The following C4BPA variants were observed in gnomAD, a reference collection of about 807,000 sequenced individuals.
The protein encoded by C4BPA is C4b-binding protein alpha chain.
A neutral mutation model predicts 63.7 loss-of-function variants in C4BPA; 31 were observed. The ratio of observed to expected loss-of-function variants is 0.49; its 90% CI spans 0.37 to 0.66. The LOEUF is 0.66. Among genes scored for constraint, C4BPA ranks in the 30% least tolerant of loss-of-function variants. C4BPA has a pLI of 0.00. For missense variants in C4BPA, 572 were observed against 723.3 expected (o/e 0.79, Z 2.40); for synonymous variants, 259 against 254.7 (o/e 1.02, Z -0.16).
intron 3 of C4BPA, among the ~76,000 whole-genome samples, 181 bp from the exon 4 acceptor site, chr1:207,115,234 GA>G (rs1684760337): frequency 1.3e-5 from 2 of 151,972 alleles, no homozygotes; most frequent in Non-Finnish European, 2.9e-5. Context: ...AAATGTACCA[GA>G]AAAAAAGGTG....
chr1:207,125,604 G>C (rs1685022383), intron 6 of C4BPA, among the ~76,000 whole-genome samples: 1 of 152,080 alleles, frequency 6.6e-6, no homozygotes. Context: ...TGTGAGGACA[G>C]AGCTTTCATC....
At chr1:207,139,413 C>G (rs565743307) in intron 9 of C4BPA, among the ~76,000 whole-genome samples, 5 of 152,164 alleles carry the variant, frequency 3.3e-5, no homozygotes, top group Non-Finnish European at 5.9e-5. Flanking sequence ...TCTCTCCCAC[C>G]CCTGGGAGAT....
At chr1:207,112,846 C>A in intron 1 of C4BPA, 155 bp from the exon 2 acceptor site, 1 of 625,290 alleles carries the variant, frequency 1.6e-6, no homozygotes, top group Non-Finnish European at 2.6e-6. Context: ...TCCTTACTGT[C>A]TTGTGCTGTA....
rs1467151425 is a variant in C4BPA, at chr1:207,114,275, C to T, written c.318C>T (p.Thr106=). 3.7e-6 allele frequency: 6 copies of T among 1,607,960 alleles called. No individual in the cohort carries two copies. Among genetic ancestry groups the T allele is most frequent in the Non-Finnish European group, 3.4e-6 (4 of 1,176,498 alleles). ...CTGATGGCGAATGGGTGTATAACAC[C>T]TTCTGTATCTGTAAGTATCAACATT... The part of the protein sequence containing the change: ...CNSDGEWVYN[T]FCIYKRCRHP... Residue 106 remains threonine, a synonymous_variant, in exon 3 of 12, where the codon ACC becomes ACT. Transcript: ENST00000367070.
intron 1 of C4BPA, among the ~76,000 whole-genome samples, chr1:207,111,837 A>G (rs1684673919): frequency 6.6e-6 from 1 of 152,192 alleles, no homozygotes; most frequent in African/African-American, 2.4e-5. Flanking sequence ...TCTAACAAAG[A>G]TGTCAAAGTA....
At chr1:207,116,873 C>T (rs1049873389) in intron 4 of C4BPA, among the ~76,000 whole-genome samples, 1 of 152,026 alleles carries the variant, frequency 6.6e-6, no homozygotes, top group African/African-American at 2.4e-5. Context: ...TAAAAGTTTG[C>T]CTTTACTGAT....
intron 6 of C4BPA, among the ~76,000 whole-genome samples, chr1:207,125,524 C>T (rs2102341833): frequency 6.6e-6 from 1 of 152,268 alleles, no homozygotes; most frequent in Middle Eastern, 3.4e-3. Flanking sequence ...GATCCACCCT[C>T]ATGAATGGGA....
At chr1:207,137,533 T>C (rs576214090) in intron 9 of C4BPA, among the ~76,000 whole-genome samples, 1 of 152,290 alleles carries the variant, frequency 6.6e-6, no homozygotes, top group Non-Finnish European at 1.5e-5. Context: ...TGGTAATTGG[T>C]TGAATTATTA....
intron 4 of C4BPA, among the ~76,000 whole-genome samples, chr1:207,118,311 T>G (rs528672929): frequency 6.6e-6 from 1 of 152,270 alleles, no homozygotes; most frequent in African/African-American, 2.4e-5. Context: ...AAATTTATTA[T>G]GCATTAGTTC....
At chr1:207,116,464 T>C (rs1684788829) in intron 4 of C4BPA, among the ~76,000 whole-genome samples, 1 of 151,690 alleles carries the variant, frequency 6.6e-6, no homozygotes, top group Non-Finnish European at 1.5e-5. Flanking sequence ...ATTTAGGCCT[T>C]GATTCTGATA....
At chr1:207,110,749 A>T (rs1684651601) in intron 1 of C4BPA, among the ~76,000 whole-genome samples, 1 of 152,206 alleles carries the variant, frequency 6.6e-6, no homozygotes, top group Non-Finnish European at 1.5e-5. Flanking sequence ...TTTTTGTTCA[A>T]CTTCTTGAAG....
intron 10 of C4BPA, among the ~76,000 whole-genome samples, chr1:207,142,402 T>C (rs903168840): frequency 6.6e-6 from 1 of 152,184 alleles, no homozygotes; most frequent in African/African-American, 2.4e-5. Flanking sequence ...GTCTTTATCA[T>C]AGAATGATTT....
chr1:207,134,549 A>G lies in C4BPA; in HGVS notation c.1230A>G (p.Gln410=). ...HETSRFSAIC[Q]GDGTWSPRTP... ...CCAGTAGGTTTTCAGCTATATGCCA[A>G]GGAGATGGCACGTGGAGTCCCCGAA... is the stretch of plus-strand genomic sequence containing the variant. Residue 410 remains glutamine, a synonymous_variant, in exon 9 of 12, where the codon CAA becomes CAG. Coordinates refer to ENST00000367070, the MANE Select transcript of C4BPA (RefSeq NM_000715.4). The G allele has an allele frequency of 6.2e-7, 1 of 1,613,806 alleles. No homozygotes were observed. The highest frequency in any genetic ancestry group is 1.6e-4 in the Middle Eastern group (1 of 6,062).
chr1:207,106,660 C>T (rs1413528983), intron 1 of C4BPA, among the ~76,000 whole-genome samples: 2 of 152,160 alleles, frequency 1.3e-5, no homozygotes, highest in Admixed American at 1.3e-4. Flanking sequence ...CCAGGATGGT[C>T]TCGACTTCCT....
At chr1:207,104,607 C>A (rs570241924) in intron 1 of C4BPA, among the ~76,000 whole-genome samples, 177 bp downstream of exon 1, 24 of 152,126 alleles carry the variant, frequency 1.6e-4, no homozygotes, top group Non-Finnish European at 3.2e-4. Context: ...TACTTTAAAC[C>A]CTATCTGAAC....
At chr1:207,118,228 T>TA (rs1684852062) in intron 4 of C4BPA, among the ~76,000 whole-genome samples, 2 of 151,472 alleles carry the variant, frequency 1.3e-5, no homozygotes, top group African/African-American at 4.9e-5. Context: ...TCTATCTATC[T>TA]ATCTATCTAT....
chr1:207,116,122 G>A (rs1163056989), intron 4 of C4BPA, among the ~76,000 whole-genome samples: 3 of 152,124 alleles, frequency 2.0e-5, no homozygotes, highest in Admixed American at 2.0e-4. Flanking sequence ...TTCCCTAAGG[G>A]TTTCATGGTT....
rs74150607 is a variant in C4BPA at position 207,118,761 on chromosome 1, C to T, written c.428+3246C>T. On this transcript the variant is annotated intron_variant, in intron 4 of 11. Transcript: ENST00000367070. The stretch of plus-strand genomic sequence containing the variant: ...AGGATTATCTGGTTTGTAATCACAT[C>T]ATTTCAATGATTCTTTTACCTCCTA... 2.3e-3 allele frequency among the ~76,000 whole-genome samples: 356 copies of T among 152,318 alleles called. 1 individual carries two copies. The highest frequency in any genetic ancestry group is 7.0e-3 in the African/African-American group (290 of 41,558).
At chr1:207,111,659 T>A (rs900288772) in intron 1 of C4BPA, among the ~76,000 whole-genome samples, 11 of 152,224 alleles carry the variant, frequency 7.2e-5, no homozygotes, top group Non-Finnish European at 1.3e-4. Flanking sequence ...AGACCAGCTT[T>A]ATGTTGAGGG....
Sources: allele counts gnomAD v4.1 joint callset (sites outside exome capture counted in the v4.1 genomes callset), GRCh38; gene constraint gnomAD v4.1.1; transcripts MANE v1.5; gene names NCBI Gene and HGNC (gene_info 2026-07-23, HGNC 2026-07-21).